ATP2A1: variants seen among roughly 807,000 people sequenced by gnomAD.
The protein encoded by ATP2A1 is sarcoplasmic/endoplasmic reticulum calcium ATPase 1.
Under a neutral mutation model 109.5 loss-of-function variants are expected in ATP2A1, and 83 were observed. That is an observed-to-expected ratio of 0.76 (90% CI 0.63 to 0.91). The LOEUF is 0.91. ATP2A1 is among the 40% of genes least tolerant of loss of function. The pLI, the probability that ATP2A1 is intolerant of heterozygous loss-of-function variation, is 0.00. For missense variants in ATP2A1, 1,101 were observed against 1,341.0 expected, an observed-to-expected ratio of 0.82 and a Z score of 2.80; for synonymous variants, 505 against 537.6, an observed-to-expected ratio of 0.94 and a Z score of 0.84.
chr16:28,879,282 G>C, intron 2 of ATP2A1, 166 bp downstream of exon 2: 1 of 995,800 alleles, frequency 1.0e-6, no homozygotes, highest in Non-Finnish European at 1.6e-6. Context: ...AAGTCTCCCA[G>C]GCGCTTTCTC....
Position 28,884,508 on chromosome 16 carries a change from G to A in ATP2A1, c.464-67G>A, listed in dbSNP as rs567609455. ...AGGAGAACGAGTCAGACACAGATTG[G>A]GTTTTTCTTTGGAAGGAAGAAAATT... On this transcript the variant is annotated intron_variant, in intron 5 of 22. Coordinates refer to ENST00000395503, the MANE Select transcript of ATP2A1 (RefSeq NM_004320.6). The A allele has an allele frequency of 9.0e-6, 13 of 1,445,694 alleles. No individual in the cohort carries two copies. The African/African-American group carries it at 9.8e-5, about 11-fold the overall frequency. The allele number at this position is 1,445,694 out of a possible 1,614,324, so 89.6% of individuals were successfully genotyped here.
At chr16:28,895,741 T>C (rs1027546266) in intron 12 of ATP2A1, among the ~76,000 whole-genome samples, 1 of 151,174 alleles carries the variant, frequency 6.6e-6, no homozygotes, top group Non-Finnish European at 1.5e-5. Flanking sequence ...GGTGCAAAAC[T>C]GTACTCTAGC....
In ATP2A1 at chr16:28,903,377, A is replaced by G; in HGVS notation, c.2917A>G (p.Ile973Val). The G allele has an allele frequency of 6.2e-7, 1 of 1,613,732 alleles. No individual in the cohort carries two copies. The highest frequency in any genetic ancestry group is 8.5e-7 in the Non-Finnish European group (1 of 1,179,886). ...DLTQWLMVLK[I>V]SLPVIGLDEI... ...CACCCAGTGGCTCATGGTCCTCAAG[A>G]TCTCACTGCCAGTCATTGGGCTCGA... is the stretch of plus-strand genomic sequence containing the variant. Residue 973 changes from isoleucine to valine, a missense_variant, in exon 21 of 23, where the codon ATC becomes GTC. Ile to Val is a conservative substitution (Grantham distance 29). Coordinates refer to ENST00000395503, the MANE Select transcript of ATP2A1 (RefSeq NM_004320.6). The surrounding 1 kb of genome is among the most constrained non-coding windows in gnomAD (Gnocchi z 5.6).
In ATP2A1 at chr16:28,894,138, G is replaced by A. The variant is rs767761372; in HGVS notation, c.1096-17G>A. 1 of 1,611,026 alleles carries A rather than the reference G, an allele frequency of 6.2e-7. No homozygotes were observed. The highest frequency in any genetic ancestry group is 1.1e-5 in the South Asian group (1 of 90,908). On this transcript the variant is annotated splice_polypyrimidine_tract_variant and intron_variant, in intron 9 of 22. Coordinates refer to ENST00000395503, the MANE Select transcript of ATP2A1 (RefSeq NM_004320.6). Reference sequence around the variant, plus strand: ...GGAAGAGGTGGACATCTGTGTGCCTGCCCTTCTCCCCTGCAGATGTTTATC... The same window carrying A: ...GGAAGAGGTGGACATCTGTGTGCCTACCCTTCTCCCCTGCAGATGTTTATC...
rs6565259 is a variant in ATP2A1 at position 28,887,472 on chromosome 16, T to C, written c.678T>C (p.Thr226=). The change falls in exon 8 of 23, where the codon ACT becomes ACC. Residue 226 remains threonine, a synonymous_variant. Transcript: ENST00000395503. The part of the protein sequence containing the change: ...AGKALGIVAT[T]GVGTEIGKIR... ...AGGCCTTGGGCATCGTGGCCACCAC[T>C]GGTGTGGGCACCGAGATTGGGAAGA... The C allele has an allele frequency of 0.36, 581,179 of 1,613,612 alleles. 109,209 individuals are homozygous for C. The highest frequency in any genetic ancestry group is 0.51 in the African/African-American group (38,211 of 74,876).
At chr16:28,882,734 A>T in intron 5 of ATP2A1, 145 bp downstream of exon 5, 1 of 1,314,106 alleles carries the variant, frequency 7.6e-7, no homozygotes, top group Non-Finnish European at 1.0e-6. Context: ...AGGTCATCCC[A>T]GGCCACTCCG....
chr16:28,889,939 C>G (rs374966083), intron 9 of ATP2A1, among the ~76,000 whole-genome samples: 5 of 152,072 alleles, frequency 3.3e-5, no homozygotes, highest in African/African-American at 1.2e-4. Context: ...GTCAGGAGTT[C>G]GAGATGAGCC....
At chr16:28,892,347 G>T in intron 9 of ATP2A1, 1 of 399,906 alleles carries the variant, frequency 2.5e-6, no homozygotes, top group Non-Finnish European at 5.1e-6. Flanking sequence ...AAGAACCCCT[G>T]CCCTTCACAG....
At chr16:28,882,307 G>T in intron 4 of ATP2A1, 144 bp from the exon 5 acceptor site, 1 of 1,277,458 alleles carries the variant, frequency 7.8e-7, no homozygotes, top group Non-Finnish European at 1.1e-6. Context: ...CCTCTCACCT[G>T]TTTTCACCTG....
Position 28,894,203 on chromosome 16 carries a change from T to C in ATP2A1, c.1144T>C (p.Phe382Leu). The change falls in exon 10 of 23, where the codon TTC becomes CTC. Residue 382 changes from phenylalanine (F) to leucine (L), a missense_variant. Phe to Leu is a conservative substitution (Grantham distance 22). Coordinates refer to ENST00000395503, the MANE Select transcript of ATP2A1 (RefSeq NM_004320.6). Reference sequence around the variant, plus strand: ...TGGGGACATCTGCCTCCTGAATGAGTTCTCCATCACCGGCTCCACTTACGC... The same window carrying C: ...TGGGGACATCTGCCTCCTGAATGAGCTCTCCATCACCGGCTCCACTTACGC... ...VDGDICLLNE[F>L]SITGSTYAPE... 6.2e-7 allele frequency: 1 copy of C among 1,613,778 alleles called. No homozygotes were observed. Among genetic ancestry groups the C allele is most frequent in the Non-Finnish European group, 8.5e-7 (1 of 1,179,942 alleles).
Position 28,898,461 on chromosome 16 carries a change from T to G in ATP2A1, c.1764+10T>G. 6.2e-7 allele frequency: 1 copy of G among 1,611,764 alleles called. No individual in the cohort carries two copies. The highest frequency in any genetic ancestry group is 8.5e-7 in the Non-Finnish European group (1 of 1,179,138). ...GTTCCTGGAGTATGAGGTAAGCAGC[T>G]GGGAGCCTCCCACTGTCGTGGAGCT... On this transcript the variant is annotated intron_variant, in intron 14 of 22. Coordinates refer to ENST00000395503, the MANE Select transcript of ATP2A1 (RefSeq NM_004320.6). The surrounding 1 kb of genome is among the most constrained non-coding windows in gnomAD (Gnocchi z 4.0).
intron 7 of ATP2A1, 53 bp from the exon 8 acceptor site, chr16:28,887,372 C>G: frequency 1.2e-6 from 2 of 1,610,590 alleles, no homozygotes; most frequent in Non-Finnish European, 1.7e-6. Flanking sequence ...TGGGGAGATG[C>G]GGCATGAGGG....
intron 14 of ATP2A1, 75 bp from the exon 15 acceptor site, chr16:28,900,506 A>G: frequency 2.5e-6 from 2 of 810,286 alleles, no homozygotes; most frequent in Non-Finnish European, 3.3e-6. Context: ...CCCCATCCCC[A>G]CCCCCCACCA....
At position 28,879,552 on chromosome 16, in the gene ATP2A1, G is replaced by A. The variant is rs774708450; in HGVS notation, c.188G>A (p.Arg63Gln). The A allele has an allele frequency of 9.0e-5, 145 of 1,613,996 alleles. No homozygotes were observed. The highest frequency in any genetic ancestry group is 1.2e-4 in the Non-Finnish European group (140 of 1,180,016). The change falls in exon 3 of 23, where the codon CGG becomes CAG. Residue 63 changes from arginine to glutamine, a missense_variant. Coordinates refer to ENST00000395503, the MANE Select transcript of ATP2A1 (RefSeq NM_004320.6). ...VIEQFEDLLV[R>Q]ILLLAACISF... ...GAGCAGTTTGAAGACCTCCTGGTGC[G>A]GATTCTCCTCCTGGCCGCATGCATT...
In ATP2A1 at chr16:28,880,220, G is replaced by A. The variant is rs528362901; in HGVS notation, c.219+637G>A. 4.3e-4 allele frequency: 324 copies of A among 758,644 alleles called. 3 individuals are homozygous for A. The African/African-American group carries it at 5.8e-3, about 14-fold the overall frequency. 47.0% of individuals were successfully genotyped at this position (758,644 alleles called of 1,614,324 possible). A position where few individuals can be genotyped will look rare whatever the true frequency, so the allele number is the denominator to read the frequency against. ...CTCTGCCTCCTCTCCCGCCCTGGGGGCTACTCCCCATCCCGCGGTCCATCT... is the reference window on the plus strand; with the variant it reads ...CTCTGCCTCCTCTCCCGCCCTGGGGACTACTCCCCATCCCGCGGTCCATCT... On this transcript the variant is annotated intron_variant, in intron 3 of 22. Coordinates refer to ENST00000395503, the MANE Select transcript of ATP2A1 (RefSeq NM_004320.6). The surrounding 1 kb of genome is among the most constrained non-coding windows in gnomAD (Gnocchi z 4.2).
At chr16:28,879,432 G>A in intron 2 of ATP2A1, 69 bp from the exon 3 acceptor site, 2 of 1,446,200 alleles carry the variant, frequency 1.4e-6, no homozygotes, top group Non-Finnish European at 1.9e-6. Flanking sequence ...CCGGAGTCCA[G>A]GGCGCTCCAT....
Position 28,902,810 on chromosome 16 carries a change from C to T in ATP2A1, c.2643C>T (p.Thr881=), listed in dbSNP as rs780126357. The T allele has an allele frequency of 6.2e-7, 1 of 1,613,918 alleles. No homozygotes were observed. ...TCATGCAGTGCACCGAGGACAACACCCACTTTGAGGGCATAGACTGTGAGG... is the reference window on the plus strand; with the variant it reads ...TCATGCAGTGCACCGAGGACAACACTCACTTTGAGGGCATAGACTGTGAGG... The part of the protein sequence containing the change: ...THFMQCTEDN[T]HFEGIDCEVF... Residue 881 remains threonine, a synonymous_variant, in exon 19 of 23, where the codon ACC becomes ACT. Transcript: ENST00000395503. This position sits in a 1 kb window ranked among gnomAD's most constrained non-coding sequence, Gnocchi z 4.8.
At position 28,902,522 on chromosome 16, in the gene ATP2A1, C is replaced by T; in HGVS notation, c.2525-58C>T. On this transcript the variant is annotated intron_variant, in intron 17 of 22. Coordinates refer to ENST00000395503, the MANE Select transcript of ATP2A1 (RefSeq NM_004320.6). This position sits in a 1 kb window ranked among gnomAD's most constrained non-coding sequence, Gnocchi z 4.8. ...GTCCATGGCCACATGAGGCCCTCAA[C>T]CCTCGATGCCCCCTATCTCCCCAGC... 6.3e-7 allele frequency: 1 copy of T among 1,584,884 alleles called. No homozygotes were observed. The highest frequency in any genetic ancestry group is 8.6e-7 in the Non-Finnish European group (1 of 1,157,956).
chr16:28,882,974 G>A (rs1963528020), intron 5 of ATP2A1, among the ~76,000 whole-genome samples: 1 of 152,228 alleles, frequency 6.6e-6, no homozygotes, highest in Admixed American at 6.5e-5. Flanking sequence ...ACCTCTCTGT[G>A]CCCTTGAGGC....
Sources: allele counts gnomAD v4.1 joint callset (sites outside exome capture counted in the v4.1 genomes callset), GRCh38; gene constraint gnomAD v4.1.1; non-coding constraint Gnocchi (gnomAD v3.1); transcripts MANE v1.5; gene names NCBI Gene and HGNC (gene_info 2026-07-23, HGNC 2026-07-21).